Variants in ZCCHC2 observed in about 807,000 individuals in gnomAD.
ZCCHC2 encodes the protein zinc finger CCHC-type containing 2, also known as zinc finger CCHC domain-containing protein 2.
Under a neutral mutation model 103.6 loss-of-function variants are expected in ZCCHC2, and 39 were observed. The ratio of observed to expected loss-of-function variants is 0.38; its 90% CI spans 0.29 to 0.49. The LOEUF is 0.49. Among genes scored for constraint, ZCCHC2 ranks in the 20% least tolerant of loss-of-function variants. ZCCHC2 has a pLI of 0.96. For synonymous variants in ZCCHC2, 687 were observed against 608.9 expected (o/e 1.13, Z -1.89); for missense variants, 1,483 against 1,491.0 (o/e 0.99, Z 0.09).
chr18:62,540,003 A>C (rs1269104685), intron 2 of ZCCHC2, among the ~76,000 whole-genome samples: 1 of 152,098 alleles, frequency 6.6e-6, no homozygotes, highest in Non-Finnish European at 1.5e-5. Flanking sequence ...CCTAGCACGC[A>C]CACAGTCATT....
intron 5 of ZCCHC2, chr18:62,551,652 A>G (rs1915670530): frequency 6.5e-6 from 1 of 153,186 alleles, no homozygotes; most frequent in Admixed American, 6.6e-5. Context: ...CATCTGAGTG[A>G]GTGGATCTGG....
Position 62,556,252 on chromosome 18 carries a change from C to T in ZCCHC2, c.1363C>T (p.His455Tyr), listed in dbSNP as rs1915879250. Residue 455 changes from histidine (H) to tyrosine (Y), a missense_variant, in exon 6 of 14, where the codon CAC becomes TAC. By Grantham distance (83) the His-to-Tyr change is moderately conservative. Transcript: ENST00000269499. ...SQAFLQSQKV[H>Y]SFFQSISSDS... The stretch of plus-strand genomic sequence containing the variant: ...AGCTTTTCTACAAAGTCAGAAAGTA[C>T]ACAGCTTCTTTCAGTCCATATCATC... 2 of 1,607,522 alleles carry T rather than the reference C, an allele frequency of 1.2e-6. No individual in the cohort carries two copies. The highest frequency in any genetic ancestry group is 1.7e-6 in the Non-Finnish European group (2 of 1,176,806).
Position 62,539,793 on chromosome 18 carries a change from G to A in ZCCHC2, c.1051+1G>A. ...GCACCTCACAGAGCTCAGCGAGAAG[G>A]TATGCTCTCTTTTTTGTAAACTTAA... On this transcript the variant is annotated splice_donor_variant, in intron 2 of 13. Transcript: ENST00000269499. LOFTEE classifies it high-confidence loss of function. 1 of 1,601,270 alleles carries A rather than the reference G, an allele frequency of 6.2e-7. No individual in the cohort carries two copies. Among genetic ancestry groups the A allele is most frequent in the Non-Finnish European group, 8.5e-7 (1 of 1,173,146 alleles).
At chr18:62,556,501 C>G (rs1915890189) in intron 6 of ZCCHC2, among the ~76,000 whole-genome samples, 1 of 152,188 alleles carries the variant, frequency 6.6e-6, no homozygotes, top group African/African-American at 2.4e-5. Context: ...CAGACTGATT[C>G]CAAGGTAAGG....
At chr18:62,586,530 TAG>T (rs1239873825) in exon 15 of ZCCHC2, 5 of 151,902 alleles carry the variant, frequency 3.3e-5, no homozygotes, top group Non-Finnish European at 7.4e-5. Context: ...CTGTATGACT[TAG>T]TGCTGAAGGA....
chr18:62,576,582 C>G lies in ZCCHC2; in HGVS notation c.*3C>G. The G allele has an allele frequency of 6.2e-7, 1 of 1,613,066 alleles. No individual in the cohort carries two copies. The highest frequency in any genetic ancestry group is 8.5e-7 in the Non-Finnish European group (1 of 1,179,170). On this transcript the variant is annotated 3_prime_UTR_variant, in exon 14 of 14. Transcript: ENST00000269499. The stretch of plus-strand genomic sequence containing the variant: ...ATACGTTGGATTCTGCAGACTGAAA[C>G]GAGTAAAGCTTGCCTACTTAATACA...
intron 5 of ZCCHC2, among the ~76,000 whole-genome samples, chr18:62,553,247 A>C (rs1915745054): frequency 1.3e-5 from 2 of 150,174 alleles, no homozygotes; most frequent in Non-Finnish European, 3.0e-5. Flanking sequence ...ACATATTAAT[A>C]CTTTTCTGCC....
At chr18:62,544,739 T>G in intron 3 of ZCCHC2, 63 bp from the exon 4 acceptor site, 1 of 1,431,786 alleles carries the variant, frequency 7.0e-7, no homozygotes, top group South Asian at 1.3e-5. Context: ...TGCACATGGC[T>G]TTTTTCTAGC....
intron 7 of ZCCHC2, among the ~76,000 whole-genome samples, chr18:62,560,171 T>C (rs1164140702): frequency 5.3e-5 from 8 of 152,324 alleles, no homozygotes; most frequent in Middle Eastern, 3.4e-3. Context: ...TCCTGTGATA[T>C]TCTGTTTCTT....
chr18:62,552,171 C>A (rs571804586), intron 5 of ZCCHC2: 1 of 152,220 alleles, frequency 6.6e-6, no homozygotes, highest in Non-Finnish European at 1.5e-5. Context: ...CAGGAGCCCC[C>A]CAAGCTGTGG....
At chr18:62,569,542 G>C (rs1351271276) in intron 11 of ZCCHC2, among the ~76,000 whole-genome samples, 11 of 151,524 alleles carry the variant, frequency 7.3e-5, no homozygotes, top group Admixed American at 7.2e-4. Flanking sequence ...TCCAATACTA[G>C]ATACACCGAT....
rs374751338 is a variant in ZCCHC2 at position 62,574,670 on chromosome 18, T to C, written c.2589T>C (p.Ala863=). 2.5e-6 allele frequency: 4 copies of C among 1,613,868 alleles called. No homozygotes were observed. Among genetic ancestry groups the C allele is most frequent in the Non-Finnish European group, 3.4e-6 (4 of 1,179,878 alleles). Residue 863 remains alanine (A), a synonymous_variant, in exon 13 of 14, where the codon GCT becomes GCC. Coordinates refer to ENST00000269499, the MANE Select transcript of ZCCHC2 (RefSeq NM_017742.6). ...NPGSFPGSPV[A]TTDPITKSAS... ...GTAGTTTCCCAGGCTCTCCTGTTGC[T>C]ACCACGGACCCCATCACAAAATCTG... is the stretch of plus-strand genomic sequence containing the variant.
intron 1 of ZCCHC2, among the ~76,000 whole-genome samples, chr18:62,528,222 CAT>C (rs1015429291): frequency 6.6e-6 from 1 of 152,240 alleles, no homozygotes; most frequent in African/African-American, 2.4e-5. Flanking sequence ...ACTCACAAAA[CAT>C]ATTTGAGTTC....
In ZCCHC2 at chr18:62,523,287, C is replaced by G; in HGVS notation, c.-138C>G. 3 of 838,450 alleles carry G rather than the reference C, an allele frequency of 3.6e-6. No individual in the cohort carries two copies. Among genetic ancestry groups the G allele is most frequent in the Non-Finnish European group, 4.3e-6 (3 of 696,336 alleles). The allele number at this position is 838,450 out of a possible 1,614,324, so 51.9% of individuals were successfully genotyped here. ...ACCGCCCCCCTCGCCGGCCGAGACC[C>G]GCCCCCGGCCCCGGCCCTCCCCCGG... On this transcript the variant is annotated 5_prime_UTR_variant, in exon 1 of 14. Transcript: ENST00000269499.
chr18:62,570,340 A>G (rs916174908), intron 12 of ZCCHC2, 109 bp downstream of exon 12: 10 of 1,335,052 alleles, frequency 7.5e-6, no homozygotes, highest in African/African-American at 1.5e-5. Context: ...TTATGATCCT[A>G]TAAATGCCAT....
intron 3 of ZCCHC2, among the ~76,000 whole-genome samples, chr18:62,542,862 T>C (rs1915259581): frequency 6.6e-6 from 1 of 152,152 alleles, no homozygotes. Flanking sequence ...GTGTTTTAAG[T>C]CAAGATCACA....
intron 1 of ZCCHC2, among the ~76,000 whole-genome samples, chr18:62,537,101 A>G (rs920519216): frequency 7.9e-5 from 12 of 152,288 alleles, no homozygotes; most frequent in Non-Finnish European, 1.5e-4. Context: ...CAAACATTCT[A>G]TCATCCCAAA....
At position 62,574,750 on chromosome 18, in the gene ZCCHC2, G is replaced by C; in HGVS notation, c.2669G>C (p.Gly890Ala). 1.2e-6 allele frequency: 2 copies of C among 1,613,978 alleles called. No homozygotes were observed. Among genetic ancestry groups the C allele is most frequent in the Non-Finnish European group, 1.7e-6 (2 of 1,179,890 alleles). ...GTGCCTCAAATTGAGGGAAACACAG[G>C]GACAGTCCCTCAGCCTACCAATGTG... ...QMVPQIEGNT[G>A]TVPQPTNVKV... Residue 890 changes from glycine to alanine, a missense_variant, in exon 13 of 14, where the codon GGG becomes GCG. Physicochemically the swap from Gly to Ala is moderately conservative, Grantham distance 60 (BLOSUM62 0). Transcript: ENST00000269499.
intron 12 of ZCCHC2, among the ~76,000 whole-genome samples, chr18:62,571,635 A>G (rs1916602690): frequency 6.6e-6 from 1 of 152,148 alleles, no homozygotes; most frequent in South Asian, 2.1e-4. Flanking sequence ...TTGAATGAGG[A>G]TGTCATTCTT....
Sources: allele counts gnomAD v4.1 joint callset (sites outside exome capture counted in the v4.1 genomes callset), GRCh38; gene constraint gnomAD v4.1.1; transcripts MANE v1.5; gene names NCBI Gene and HGNC (gene_info 2026-07-23, HGNC 2026-07-21).